RP1: variants seen among roughly 807,000 people sequenced by gnomAD.
RP1 encodes the protein RP1 axonemal microtubule associated.
In RP1, 16 loss-of-function variants were observed where a neutral mutation model predicts 14.8. The observed-to-expected ratio is 1.08, with a 90% CI of 0.73 to 1.65. The LOEUF is 1.65. RP1 is among the 40% of genes most tolerant of loss of function. RP1 has a pLI of 0.00. For missense variants in RP1, 2,631 were observed against 2,535.0 expected (o/e 1.04, Z -0.81); for synonymous variants, 876 against 883.6 (o/e 0.99, Z 0.15).
At chr8:54,841,950 C>CT (rs1811799373) in intron 25 of RP1, among the ~76,000 whole-genome samples, 1 of 152,164 alleles carries the variant, frequency 6.6e-6, no homozygotes. Context: ...AAATAACCAT[C>CT]TGAGAATGTA....
At chr8:54,613,813 T>TA (rs1157290281), upstream of RP1, among the ~76,000 whole-genome samples, 2 of 152,122 alleles carry the variant, frequency 1.3e-5, no homozygotes, top group African/African-American at 4.8e-5. Flanking sequence ...TTAAAAAACT[T>TA]CAAATAATCA....
intron 24 of RP1, among the ~76,000 whole-genome samples, chr8:54,830,280 G>C (rs1811487560): frequency 6.7e-6 from 1 of 149,808 alleles, no homozygotes; most frequent in Non-Finnish European, 1.5e-5. Context: ...ATGACCTTCT[G>C]TATTTCTTTT....
chr8:54,763,777 T>C (rs140434380), intron 22 of RP1, among the ~76,000 whole-genome samples: 1,789 of 152,360 alleles, frequency 0.012, 16 homozygotes, highest in Middle Eastern at 0.031. Flanking sequence ...TGTAGTCAGA[T>C]AGGTGGAGTG....
intron 7 of RP1, among the ~76,000 whole-genome samples, chr8:54,670,667 GT>G (rs368342457): frequency 2.3e-5 from 1 of 42,614 alleles, no homozygotes; most frequent in South Asian, 7.7e-4. Flanking sequence ...TAATATATAT[GT>G]TTTTATATAT....
intron 19 of RP1, among the ~76,000 whole-genome samples, chr8:54,739,616 CT>C (rs1809021311): frequency 6.6e-6 from 1 of 151,596 alleles, no homozygotes; most frequent in Non-Finnish European, 1.5e-5. Flanking sequence ...TAGATGACCA[CT>C]CGGTGGTGCA....
At chr8:54,677,289 C>G (rs1807313663) in intron 8 of RP1, among the ~76,000 whole-genome samples, 1 of 151,910 alleles carries the variant, frequency 6.6e-6, no homozygotes, top group African/African-American at 2.4e-5. Flanking sequence ...TTTTTGTAAT[C>G]CCTCCTGGTG....
chr8:54,833,874 C>T (rs1177609975), intron 24 of RP1, among the ~76,000 whole-genome samples: 1 of 151,802 alleles, frequency 6.6e-6, no homozygotes, highest in Non-Finnish European at 1.5e-5. Context: ...CAAAACTTTG[C>T]AAATTATTAT....
At chr8:54,614,729 C>T (rs1805675082), upstream of RP1, among the ~76,000 whole-genome samples, 1 of 152,130 alleles carries the variant, frequency 6.6e-6, no homozygotes, top group Non-Finnish European at 1.5e-5. Flanking sequence ...GTTATCTTTC[C>T]TAAAAGTGCT....
At chr8:54,783,608 A>C in exon 24 of RP1, 1 of 1,231,568 alleles carries the variant, frequency 8.1e-7, no homozygotes, top group Non-Finnish European at 1.0e-6. Context: ...CCACGGCAAC[A>C]GTGTTCCTTT....
chr8:54,736,778 G>A (rs1335311853), intron 18 of RP1, among the ~76,000 whole-genome samples: 2 of 152,152 alleles, frequency 1.3e-5, no homozygotes, highest in African/African-American at 4.8e-5. Context: ...TAAACACACA[G>A]AATTTGGGTT....
intron 28 of RP1, among the ~76,000 whole-genome samples, chr8:54,867,553 GGTT>G (rs1470695037): frequency 6.6e-6 from 1 of 152,060 alleles, no homozygotes; most frequent in African/African-American, 2.4e-5. Context: ...TATTTTGCAG[GGTT>G]GTTTGAGGAT....
chr8:54,822,504 A>T (rs1247455232), intron 24 of RP1, among the ~76,000 whole-genome samples: 1 of 152,270 alleles, frequency 6.6e-6, no homozygotes, highest in African/African-American at 2.4e-5. Context: ...TAAATTGTTT[A>T]TATCTTCTAT....
At chr8:54,740,448 G>A (rs1055689090) in intron 19 of RP1, among the ~76,000 whole-genome samples, 2 of 150,518 alleles carry the variant, frequency 1.3e-5, no homozygotes. Context: ...AGAGAGCCAG[G>A]CGCAGTGGCT....
chr8:54,749,525 C>A (rs978203175), intron 19 of RP1, among the ~76,000 whole-genome samples: 2 of 152,018 alleles, frequency 1.3e-5, no homozygotes, highest in African/African-American at 4.8e-5. Context: ...CTGATCCTTG[C>A]TCCATTGATA....
intron 1 of RP1, among the ~76,000 whole-genome samples, chr8:54,582,205 T>A (rs1308572415): frequency 6.6e-6 from 1 of 152,024 alleles, no homozygotes; most frequent in Non-Finnish European, 1.5e-5. Flanking sequence ...GGATCCAGTT[T>A]CAGCTTTCTA....
intron 1 of RP1, among the ~76,000 whole-genome samples, chr8:54,590,810 C>T (rs1250311368): frequency 6.6e-6 from 1 of 152,186 alleles, no homozygotes; most frequent in Non-Finnish European, 1.5e-5. Flanking sequence ...AACTGTCTAC[C>T]TGACACCACC....
At chr8:54,615,325 T>C (rs1434211757), upstream of RP1, among the ~76,000 whole-genome samples, 1 of 152,210 alleles carries the variant, frequency 6.6e-6, no homozygotes, top group Admixed American at 6.5e-5. Flanking sequence ...TGCTTGAACC[T>C]GGTCCTGTTT....
At chr8:54,809,500 T>C (rs1435724813) in intron 24 of RP1, among the ~76,000 whole-genome samples, 3 of 152,238 alleles carry the variant, frequency 2.0e-5, no homozygotes, top group Non-Finnish European at 4.4e-5. Flanking sequence ...AGTATGCTAG[T>C]AGTAGCAGAC....
intron 17 of RP1, among the ~76,000 whole-genome samples, chr8:54,730,979 G>A (rs1422227912): frequency 1.3e-5 from 2 of 151,916 alleles, no homozygotes; most frequent in Non-Finnish European, 2.9e-5. Context: ...GGACACATTT[G>A]TTTTCAGTTG....
Sources: gnomAD v4.1 joint callset for allele counts (sites outside exome capture counted in the v4.1 genomes callset) on GRCh38, gnomAD v4.1.1 for gene constraint, MANE v1.5 for transcripts, NCBI Gene and HGNC (gene_info 2026-07-23, HGNC 2026-07-21) for gene names.